The following JAK1 variants were observed in gnomAD, a reference collection of about 807,000 sequenced individuals.
JAK1 encodes tyrosine-protein kinase JAK1.
JAK1 carries 16 observed loss-of-function variants against 136.6 expected under a neutral mutation model. The observed-to-expected ratio is 0.12, with a 90% CI of 0.08 to 0.18. The LOEUF is 0.18. Ranked by LOEUF, JAK1 falls within the 10% of genes least tolerant of loss-of-function variation. The pLI is 1.00. For missense variants in JAK1, 859 were observed against 1,450.1 expected (o/e 0.59, Z 6.62); for synonymous variants, 492 against 519.5 (o/e 0.95, Z 0.72).
intron 1 of JAK1, among the ~76,000 whole-genome samples, chr1:64,964,084 C>G (rs1646332012): frequency 6.6e-6 from 1 of 152,188 alleles, no homozygotes; most frequent in African/African-American, 2.4e-5. Flanking sequence ...TACCACTGAG[C>G]CACAATAATC....
At chr1:64,931,956 AG>A (rs374232107) in intron 1 of JAK1, among the ~76,000 whole-genome samples, 154 of 150,518 alleles carry the variant, frequency 1.0e-3, no homozygotes, top group African/African-American at 2.7e-3. Flanking sequence ...CTAAAAAAGG[AG>A]GGGGGGGGAT....
chr1:64,942,163 T>C (rs189573208), intron 1 of JAK1: 2 of 152,200 alleles, frequency 1.3e-5, no homozygotes, highest in African/African-American at 4.8e-5. Flanking sequence ...GTAGGTATTT[T>C]GACATAAAAG....
rs374039280 is a variant in JAK1, at chr1:64,867,854, G to A, written c.648-646C>T. Among the ~76,000 whole-genome samples, 98 of 152,226 alleles carry A rather than the reference G, an allele frequency of 6.4e-4. 1 individual carries two copies. Among genetic ancestry groups the A allele is most frequent in the African/African-American group, 2.3e-3 (94 of 41,534 alleles). On this transcript the variant is annotated intron_variant, in intron 6 of 24. Transcript: ENST00000342505. ...AAAAATATAAAAGTAGCCAGGTATGGTGGCACATGCCTGTAATCCCAGCTA... is the reference window on the plus strand; with the variant it reads ...AAAAATATAAAAGTAGCCAGGTATGATGGCACATGCCTGTAATCCCAGCTA...
chr1:64,913,670 A>AGGAAGGAAGGAAGGAAGGAAGGAAGGAG (rs1645330773), intron 1 of JAK1, among the ~76,000 whole-genome samples: 1 of 27,162 alleles, frequency 3.7e-5, no homozygotes, highest in African/African-American at 9.6e-5. Flanking sequence ...GAAGGAAGGA[A>AGGAAGGAAGGAAGGAAGGAAGGAAGGAG]GGAAGGAAGG....
intron 2 of JAK1, among the ~76,000 whole-genome samples, chr1:65,019,331 A>G (rs983300041): frequency 2.0e-5 from 3 of 152,188 alleles, no homozygotes; most frequent in South Asian, 4.1e-4. Flanking sequence ...AACTGAATCC[A>G]GCAATACAAA....
At chr1:64,899,627 G>A (rs1645074618) in intron 1 of JAK1, among the ~76,000 whole-genome samples, 1 of 152,276 alleles carries the variant, frequency 6.6e-6, no homozygotes, top group East Asian at 1.9e-4. Context: ...ATGCTCATTG[G>A]AGGATTTTGA....
At chr1:64,860,794 T>C (rs1047437136) in intron 8 of JAK1, among the ~76,000 whole-genome samples, 1 of 151,778 alleles carries the variant, frequency 6.6e-6, no homozygotes, top group African/African-American at 2.4e-5. Context: ...CAACACATTT[T>C]CCCATCTATT....
At chr1:64,940,848 C>T (rs1029798181) in intron 1 of JAK1, among the ~76,000 whole-genome samples, 6 of 152,078 alleles carry the variant, frequency 3.9e-5, no homozygotes, top group Non-Finnish European at 7.4e-5. Context: ...AATATATTTT[C>T]GGATTTTTTC....
chr1:64,887,988 C>T (rs1447739433), intron 1 of JAK1, among the ~76,000 whole-genome samples: 5 of 152,074 alleles, frequency 3.3e-5, no homozygotes, highest in African/African-American at 9.7e-5. Flanking sequence ...CACAGCATAC[C>T]GTTACCAGCT....
At chr1:64,880,619 A>C (rs1389246442) in intron 3 of JAK1, among the ~76,000 whole-genome samples, 1 of 152,224 alleles carries the variant, frequency 6.6e-6, no homozygotes, top group South Asian at 2.1e-4. Context: ...TAAAACAATA[A>C]TACTAACATT....
chr1:65,058,591 A>G (rs566234508), intron 1 of JAK1: 47 of 492,154 alleles, frequency 9.5e-5, no homozygotes, highest in Non-Finnish European at 1.8e-4. Context: ...GAAGTGAAGG[A>G]CTAAAAGATC....
chr1:65,022,076 A>G (rs1569894561), intron 2 of JAK1, among the ~76,000 whole-genome samples: 1 of 152,204 alleles, frequency 6.6e-6, no homozygotes, highest in African/African-American at 2.4e-5. Flanking sequence ...GGCACAGTAG[A>G]GAATAAGACA....
At chr1:64,874,541 G>A (rs1657279043) in intron 4 of JAK1, among the ~76,000 whole-genome samples, 1 of 152,012 alleles carries the variant, frequency 6.6e-6, no homozygotes, top group Non-Finnish European at 1.5e-5. Context: ...GGGGGTTGGT[G>A]CCCCTAACCC....
At position 64,999,510 on chromosome 1, in the gene JAK1, G is replaced by A. The variant is rs561995612; in HGVS notation, c.-78+44970C>T. 2.0e-5 allele frequency among the ~76,000 whole-genome samples: 3 copies of A among 152,274 alleles called. No individual in the cohort carries two copies. In the East Asian group the frequency reaches 5.8e-4, roughly 29 times the overall value. On this transcript the variant is annotated intron_variant, in intron 2 of 25. Transcript: ENST00000671954. The stretch of plus-strand genomic sequence containing the variant: ...CCTAGCACTTTAGGAGGCCAAAGTG[G>A]GAGGATGGCTTGAGCCCAGGAGCTC...
chr1:65,061,026 T>C (rs1162478604), intron 1 of JAK1, among the ~76,000 whole-genome samples: 3 of 152,204 alleles, frequency 2.0e-5, no homozygotes, highest in Non-Finnish European at 2.9e-5. Flanking sequence ...TTAAAAATGA[T>C]ACAACTAGGA....
intron 1 of JAK1, among the ~76,000 whole-genome samples, chr1:65,052,876 A>AAT (rs35405156): frequency 2.3e-5 from 3 of 129,824 alleles, no homozygotes; most frequent in African/African-American, 9.3e-5. Context: ...AAAAAAAAAA[A>AAT]AAAAATTAGC....
chr1:64,881,950 TA>T (rs1240819593), intron 3 of JAK1, among the ~76,000 whole-genome samples: 4 of 152,094 alleles, frequency 2.6e-5, no homozygotes, highest in Admixed American at 1.3e-4. Flanking sequence ...AACAAAGCCT[TA>T]AAAAAAACTT....
chr1:65,051,657 G>T (rs2100860418), intron 1 of JAK1, among the ~76,000 whole-genome samples: 1 of 152,306 alleles, frequency 6.6e-6, no homozygotes, highest in African/African-American at 2.4e-5. Flanking sequence ...GGGAGTCTAA[G>T]TAATTTTTCT....
intron 2 of JAK1, among the ~76,000 whole-genome samples, chr1:64,974,978 C>T (rs543887675): frequency 5.3e-5 from 8 of 151,910 alleles, no homozygotes; most frequent in South Asian, 2.1e-4. Flanking sequence ...GATGCAATCT[C>T]GGCCCACTGC....
Sources: allele counts gnomAD v4.1 joint callset (sites outside exome capture counted in the v4.1 genomes callset), GRCh38; gene constraint gnomAD v4.1.1; transcripts MANE v1.5; gene names NCBI Gene and HGNC (gene_info 2026-07-23, HGNC 2026-07-21).